SYT9: variants seen among roughly 807,000 people sequenced by gnomAD.
SYT9 encodes the protein synaptotagmin-9.
In SYT9, 22 loss-of-function variants were observed where a neutral mutation model predicts 48.4. The ratio of observed to expected loss-of-function variants is 0.45; its 90% confidence interval spans 0.32 to 0.65. SYT9 has a LOEUF of 0.65. Among genes scored for constraint, SYT9 ranks in the 30% least tolerant of loss-of-function variants. SYT9 has a pLI of 0.03. For synonymous variants in SYT9, 265 were observed against 245.0 expected, an observed-to-expected ratio of 1.08 and a Z score of -0.76; for missense variants, 577 against 622.0, an observed-to-expected ratio of 0.93 and a Z score of 0.77.
intron 1 of SYT9, among the ~76,000 whole-genome samples, chr11:7,246,022 C>A (rs548187643): frequency 1.3e-5 from 2 of 152,234 alleles, no homozygotes; most frequent in South Asian, 4.2e-4. Flanking sequence ...GAAGTCGCTC[C>A]TATCTTCAAA....
At chr11:7,312,300 G>A (rs1849150781) in intron 2 of SYT9, among the ~76,000 whole-genome samples, 1 of 152,158 alleles carries the variant, frequency 6.6e-6, no homozygotes, top group Non-Finnish European at 1.5e-5. Flanking sequence ...GAAAGGAAGA[G>A]AAGGGCAAAT....
chr11:7,356,962 A>C (rs1850033206), intron 3 of SYT9, among the ~76,000 whole-genome samples: 1 of 152,210 alleles, frequency 6.6e-6, no homozygotes, highest in African/African-American at 2.4e-5. Context: ...TAATTAAAAT[A>C]GTGAGAAGTA....
chr11:7,462,740 TAAG>T (rs999506588), intron 6 of SYT9, among the ~76,000 whole-genome samples: 1 of 152,216 alleles, frequency 6.6e-6, no homozygotes, highest in Non-Finnish European at 1.5e-5. Context: ...AAGTACATAA[TAAG>T]ATTAAATCAT....
At chr11:7,320,594 A>C (rs532517177) in intron 3 of SYT9, among the ~76,000 whole-genome samples, 1 of 152,202 alleles carries the variant, frequency 6.6e-6, no homozygotes, top group Non-Finnish European at 1.5e-5. Flanking sequence ...ATGAGGGACT[A>C]ATTTGTTGAG....
intron 3 of SYT9, among the ~76,000 whole-genome samples, chr11:7,341,887 A>T (rs756654913): frequency 2.1e-4 from 32 of 152,180 alleles, no homozygotes; most frequent in Non-Finnish European, 8.8e-5. Flanking sequence ...ATGGACTCAT[A>T]GTTCCACGTG....
chr11:7,290,046 G>T (rs76985708), intron 1 of SYT9, among the ~76,000 whole-genome samples: 3 of 152,198 alleles, frequency 2.0e-5, no homozygotes, highest in Admixed American at 6.5e-5. Context: ...GTGATCTGGG[G>T]TGTAGAGGTG....
At chr11:7,353,124 A>G (rs1309976498) in intron 3 of SYT9, among the ~76,000 whole-genome samples, 1 of 152,140 alleles carries the variant, frequency 6.6e-6, no homozygotes, top group Non-Finnish European at 1.5e-5. Flanking sequence ...TGCTCTGGAA[A>G]AGTCAAGTTG....
At chr11:7,397,563 A>G (rs1463307047) in intron 3 of SYT9, among the ~76,000 whole-genome samples, 1 of 152,116 alleles carries the variant, frequency 6.6e-6, no homozygotes, top group East Asian at 1.9e-4. Flanking sequence ...TGAAATATAT[A>G]TTGGGATTTT....
At chr11:7,410,328 G>A (rs1464333553) in intron 3 of SYT9, among the ~76,000 whole-genome samples, 1 of 152,168 alleles carries the variant, frequency 6.6e-6, no homozygotes, top group Non-Finnish European at 1.5e-5. Context: ...TGAATAAAAT[G>A]TTCTGTAAGT....
chr11:7,390,025 T>A (rs1398196284), intron 3 of SYT9, among the ~76,000 whole-genome samples: 1 of 152,254 alleles, frequency 6.6e-6, no homozygotes, highest in Non-Finnish European at 1.5e-5. Flanking sequence ...AGGATACATG[T>A]GCACAACGTG....
intron 5 of SYT9, among the ~76,000 whole-genome samples, 197 bp downstream of exon 5, chr11:7,418,325 C>T (rs899301854): frequency 1.3e-4 from 20 of 152,202 alleles, no homozygotes; most frequent in African/African-American, 4.8e-4. Context: ...AAGTGTCTCT[C>T]AGCACTCCCA....
chr11:7,315,651 A>G (rs1849229971), intron 3 of SYT9, among the ~76,000 whole-genome samples: 1 of 152,248 alleles, frequency 6.6e-6, no homozygotes, highest in South Asian at 2.1e-4. Context: ...TTGACTGCGC[A>G]GTGGCTGATA....
intron 6 of SYT9, among the ~76,000 whole-genome samples, chr11:7,464,269 G>T (rs1403863569): frequency 6.6e-6 from 1 of 152,188 alleles, no homozygotes; most frequent in Non-Finnish European, 1.5e-5. Context: ...GGCACCTGCT[G>T]TATGCTACTA....
intron 3 of SYT9, among the ~76,000 whole-genome samples, chr11:7,337,492 C>T (rs1849649331): frequency 6.6e-6 from 1 of 152,052 alleles, no homozygotes; most frequent in African/African-American, 2.4e-5. Flanking sequence ...ATTATGTTGC[C>T]TGTGGGTTTG....
chr11:7,420,027 A>G (rs746983176), intron 5 of SYT9, among the ~76,000 whole-genome samples: 2 of 152,342 alleles, frequency 1.3e-5, no homozygotes, highest in Non-Finnish European at 2.9e-5. Context: ...AGTATTCTCT[A>G]AAGAGAGGAA....
rs1564901964 is a variant in SYT9 at position 7,432,572 on chromosome 11, AAAAAAAAAAAATATATATACATATATAT to A, written c.1467+11939_1467+11966del. On this transcript the variant is annotated intron_variant, in intron 6 of 6. Coordinates refer to ENST00000318881, the MANE Select transcript of SYT9 (RefSeq NM_175733.4). ...CAAAAAAAAAAAAAAAAAAAAAAAA[AAAAAAAAAAAATATATATACATATATAT>A]ATATATATATATATATATATATATA... Among the ~76,000 whole-genome samples the A allele has an allele frequency of 5.6e-3, 71 of 12,666 alleles. 2 individuals are homozygous for A. Among genetic ancestry groups the A allele is most frequent in the African/African-American group, 7.1e-3 (18 of 2,536 alleles). The allele number at this position is 12,666 out of a possible 152,430, so 8.3% of individuals were successfully genotyped here. A position where few individuals can be genotyped will look rare whatever the true frequency, so the allele number is the denominator to read the frequency against.
At chr11:7,362,771 C>G (rs1326784268) in intron 3 of SYT9, among the ~76,000 whole-genome samples, 1 of 152,014 alleles carries the variant, frequency 6.6e-6, no homozygotes, top group East Asian at 1.9e-4. Context: ...TTGTAAATAA[C>G]ATAGAACTAG....
At chr11:7,372,845 G>A (rs1212672143) in intron 3 of SYT9, among the ~76,000 whole-genome samples, 5 of 152,012 alleles carry the variant, frequency 3.3e-5, no homozygotes, top group African/African-American at 9.7e-5. Context: ...GCATAAGCTG[G>A]AACCTCCCAA....
intron 6 of SYT9, among the ~76,000 whole-genome samples, chr11:7,466,456 C>A (rs1488901777): frequency 6.6e-6 from 1 of 152,184 alleles, no homozygotes; most frequent in African/African-American, 2.4e-5. Context: ...GGCACAGTGA[C>A]TCACGCCTGT....
Sources: allele counts gnomAD v4.1 joint callset (sites outside exome capture counted in the v4.1 genomes callset), GRCh38; gene constraint gnomAD v4.1.1; transcripts MANE v1.5; gene names NCBI Gene and HGNC (gene_info 2026-07-23, HGNC 2026-07-21).